The following GAS2 variants were observed in gnomAD, a reference collection of about 807,000 sequenced individuals.
GAS2 encodes growth arrest-specific protein 2.
Under a neutral mutation model 37.5 loss-of-function variants are expected in GAS2, and 20 were observed. The observed-to-expected ratio is 0.53, with a 90% CI of 0.37 to 0.77. The LOEUF is 0.77. Ranked by LOEUF, GAS2 falls within the 30% of genes least tolerant of loss-of-function variation. GAS2 has a pLI of 0.00. For synonymous variants in GAS2, 144 were observed against 132.2 expected, an observed-to-expected ratio of 1.09 and a Z score of -0.61; for missense variants, 336 against 373.4, an observed-to-expected ratio of 0.90 and a Z score of 0.82.
At chr11:22,779,654 T>C (rs1855450304) in intron 7 of GAS2, among the ~76,000 whole-genome samples, 1 of 151,768 alleles carries the variant, frequency 6.6e-6, no homozygotes, top group South Asian at 2.1e-4. Flanking sequence ...GCCAAGATCG[T>C]GCCACTGCAG....
intron 7 of GAS2, among the ~76,000 whole-genome samples, chr11:22,774,968 A>AAGAG (rs145755514): frequency 2.0e-5 from 3 of 149,620 alleles, no homozygotes; most frequent in African/African-American, 7.3e-5. Context: ...AGATGAGGGG[A>AAGAG]AGAGAGAGAG....
chr11:22,683,292 G>C (rs1398308063), intron 2 of GAS2, among the ~76,000 whole-genome samples: 1 of 151,982 alleles, frequency 6.6e-6, no homozygotes, highest in Non-Finnish European at 1.5e-5. Flanking sequence ...ATGAGACAGA[G>C]TGTCACTCTG....
chr11:22,769,933 A>G (rs892333108), intron 7 of GAS2, among the ~76,000 whole-genome samples: 1 of 152,172 alleles, frequency 6.6e-6, no homozygotes, highest in Non-Finnish European at 1.5e-5. Flanking sequence ...TTTGCCATGG[A>G]AACGAATGGT....
At position 22,697,301 on chromosome 11, in the gene GAS2, A is replaced by C. The variant is rs369212549; in HGVS notation, c.267+11512A>C. Among the ~76,000 whole-genome samples the C allele has an allele frequency of 5.3e-5, 8 of 152,098 alleles. No homozygotes were observed. The East Asian group carries it at 7.7e-4, about 15-fold the overall frequency. On this transcript the variant is annotated intron_variant, in intron 3 of 7. Transcript: ENST00000454584. ...GGGCTCTGTTCTGTTCCATTGGTCT[A>C]TATCTCTGTTTTGGTACCAGTACCA...
At chr11:22,763,643 A>G (rs1034661801) in intron 7 of GAS2, among the ~76,000 whole-genome samples, 12 of 151,448 alleles carry the variant, frequency 7.9e-5, no homozygotes, top group Non-Finnish European at 1.6e-4. Flanking sequence ...ACACACACAC[A>G]CACACACACA....
chr11:22,795,964 T>G (rs1252210891), intron 7 of GAS2, among the ~76,000 whole-genome samples: 1 of 152,144 alleles, frequency 6.6e-6, no homozygotes, highest in African/African-American at 2.4e-5. Flanking sequence ...CTCCAATATT[T>G]TACTGTGAAA....
chr11:22,773,812 CT>C (rs1316877777), intron 7 of GAS2, among the ~76,000 whole-genome samples: 2 of 152,076 alleles, frequency 1.3e-5, no homozygotes, highest in African/African-American at 4.8e-5. Context: ...CCTGACCTCG[CT>C]TCCACAGCAG....
intron 7 of GAS2, among the ~76,000 whole-genome samples, chr11:22,781,835 A>C (rs1294822193): frequency 6.6e-6 from 1 of 152,198 alleles, no homozygotes; most frequent in Non-Finnish European, 1.5e-5. Flanking sequence ...TCTTGTGCTT[A>C]TAAAAATTGG....
At chr11:22,776,056 G>C (rs1298390194) in intron 7 of GAS2, among the ~76,000 whole-genome samples, 1 of 152,112 alleles carries the variant, frequency 6.6e-6, no homozygotes, top group African/African-American at 2.4e-5. Context: ...TAAGAGTTTT[G>C]GGTACGCGTT....
intron 4 of GAS2, among the ~76,000 whole-genome samples, chr11:22,732,450 T>C (rs1467822867): frequency 6.6e-6 from 1 of 151,806 alleles, no homozygotes; most frequent in Non-Finnish European, 1.5e-5. Flanking sequence ...TACTGGTGAT[T>C]CTGAGAAATG....
intron 7 of GAS2, among the ~76,000 whole-genome samples, chr11:22,799,239 G>A (rs1424537749): frequency 2.0e-5 from 3 of 152,006 alleles, no homozygotes; most frequent in Non-Finnish European, 1.5e-5. Flanking sequence ...CATTAAGTGG[G>A]GAATCATTTA....
At chr11:22,742,397 G>C (rs1423818493) in intron 5 of GAS2, among the ~76,000 whole-genome samples, 1 of 152,094 alleles carries the variant, frequency 6.6e-6, no homozygotes, top group Non-Finnish European at 1.5e-5. Context: ...GAATGAAGCA[G>C]CCTTTTGGAG....
intron 4 of GAS2, among the ~76,000 whole-genome samples, chr11:22,727,995 G>A (rs1333949176): frequency 1.3e-5 from 2 of 151,990 alleles, no homozygotes; most frequent in African/African-American, 4.8e-5. Flanking sequence ...CACTCTGCAT[G>A]TGTGGACGAT....
intron 7 of GAS2, among the ~76,000 whole-genome samples, chr11:22,805,501 ATC>A (rs1856844087): frequency 1.3e-5 from 2 of 152,092 alleles, no homozygotes; most frequent in African/African-American, 4.8e-5. Flanking sequence ...GTAATTATAT[ATC>A]CTTTGACTAA....
chr11:22,648,064 G>A (rs1434054722), intron 1 of GAS2, among the ~76,000 whole-genome samples: 15 of 152,252 alleles, frequency 9.9e-5, no homozygotes, highest in African/African-American at 3.4e-4. Flanking sequence ...TAGGTCTAAC[G>A]TTTAAGTCTT....
intron 3 of GAS2, among the ~76,000 whole-genome samples, chr11:22,715,563 T>G (rs998686861): frequency 1.3e-5 from 2 of 150,960 alleles, no homozygotes; most frequent in Non-Finnish European, 2.9e-5. Flanking sequence ...AAGGCTACTA[T>G]GAACAAGTTT....
At chr11:22,773,262 C>A (rs1855080083) in intron 7 of GAS2, among the ~76,000 whole-genome samples, 1 of 152,096 alleles carries the variant, frequency 6.6e-6, no homozygotes. Flanking sequence ...AAGCTGTCTT[C>A]ATTCCTGAAT....
chr11:22,704,736 A>G (rs1342053163), intron 3 of GAS2, among the ~76,000 whole-genome samples: 1 of 151,332 alleles, frequency 6.6e-6, no homozygotes, highest in Non-Finnish European at 1.5e-5. Context: ...CTCAGAATAA[A>G]TGGATTTTTA....
At chr11:22,716,959 C>A (rs1010411535) in intron 3 of GAS2, among the ~76,000 whole-genome samples, 3 of 152,116 alleles carry the variant, frequency 2.0e-5, no homozygotes, top group African/African-American at 7.2e-5. Flanking sequence ...AAGACTTCTA[C>A]AAGGAAAACT....
Sources: allele counts gnomAD v4.1 joint callset (sites outside exome capture counted in the v4.1 genomes callset), GRCh38; gene constraint gnomAD v4.1.1; transcripts MANE v1.5; gene names NCBI Gene and HGNC (gene_info 2026-07-23, HGNC 2026-07-21).